The following WDR33 variants were observed in gnomAD, a reference collection of about 807,000 sequenced individuals.
The protein encoded by WDR33 is pre-mRNA 3' end processing protein WDR33.
Under a neutral mutation model 164.9 loss-of-function variants are expected in WDR33, and 47 were observed. The ratio of observed to expected loss-of-function variants is 0.29; its 90% CI spans 0.23 to 0.36. WDR33 has a LOEUF of 0.36. WDR33 is among the 10% of genes least tolerant of loss of function. The pLI is 1.00. For missense variants in WDR33, 1,137 were observed against 1,754.1 expected (o/e 0.65, Z 6.28); for synonymous variants, 505 against 589.0 (o/e 0.86, Z 2.06).
chr2:127,726,612 C>A lies in WDR33; in HGVS notation c.851+39G>T. ...GTTAAAGGACACACTGCTTTGCTCCCCTTTGTTCAGGGGCCAAGGTGGGGT... is the reference window on the plus strand; with the variant it reads ...GTTAAAGGACACACTGCTTTGCTCCACTTTGTTCAGGGGCCAAGGTGGGGT... On this transcript the variant is annotated intron_variant, in intron 8 of 21. Coordinates refer to ENST00000322313, the MANE Select transcript of WDR33 (RefSeq NM_018383.5). This position sits in a 1 kb window ranked among gnomAD's most constrained non-coding sequence, Gnocchi z 4.8. 6.2e-7 allele frequency: 1 copy of A among 1,609,860 alleles called. No homozygotes were observed. Among genetic ancestry groups the A allele is most frequent in the South Asian group, 1.1e-5 (1 of 90,376 alleles).
chr2:127,767,329 C>G (rs1573932179), intron 4 of WDR33, among the ~76,000 whole-genome samples: 1 of 152,022 alleles, frequency 6.6e-6, no homozygotes, highest in East Asian at 1.9e-4. Flanking sequence ...AATCGAAACA[C>G]AAAGAAGAAA....
In WDR33 at chr2:127,717,180, G is replaced by A. The variant is rs779503459; in HGVS notation, c.2844C>T (p.Pro948=). ...GAQGRIPPLN[P]GQGPGPNKGD... ...CTTTGTTGGGGCCAGGTCCTTGTCCGGGGTTCAGAGGGGGAATGCGACCTT... is the reference window on the plus strand; with the variant it reads ...CTTTGTTGGGGCCAGGTCCTTGTCCAGGGTTCAGAGGGGGAATGCGACCTT... The change falls in exon 17 of 22, where the codon CCC becomes CCT. Residue 948 remains proline, a synonymous_variant. Transcript: ENST00000322313. The surrounding 1 kb of genome is among the most constrained non-coding windows in gnomAD (Gnocchi z 5.6). The A allele has an allele frequency of 8.1e-6, 13 of 1,607,610 alleles. No homozygotes were observed. The highest frequency in any genetic ancestry group is 2.2e-5 in the South Asian group (2 of 89,462).
chr2:127,768,061 T>A (rs1687875908), intron 4 of WDR33, 128 bp downstream of exon 4: 1 of 534,184 alleles, frequency 1.9e-6, no homozygotes, highest in Admixed American at 4.1e-5. Flanking sequence ...ATAAAATTAC[T>A]AGCAATAAAC....
chr2:127,805,674 T>C (rs1689410824), intron 1 of WDR33, among the ~76,000 whole-genome samples: 1 of 151,316 alleles, frequency 6.6e-6, no homozygotes, highest in South Asian at 2.1e-4. Flanking sequence ...GCCAAGAAGA[T>C]GAATAAGGCT....
chr2:127,762,195 C>A (rs1369465442), intron 7 of WDR33, among the ~76,000 whole-genome samples: 1 of 152,122 alleles, frequency 6.6e-6, no homozygotes, highest in African/African-American at 2.4e-5. Context: ...TTTGTGGCAT[C>A]CTGGAATCAA....
chr2:127,735,781 C>G lies in WDR33; in HGVS notation c.725-9004G>C. 1.0e-6 allele frequency: 1 copy of G among 985,428 alleles called. No homozygotes were observed. Among genetic ancestry groups the G allele is most frequent in the Non-Finnish European group, 1.2e-6 (1 of 829,918 alleles). The allele number at this position is 985,428 out of a possible 1,614,324, so 61.0% of individuals were successfully genotyped here. Reference sequence around the variant, plus strand: ...AAGCATAAGTAATCTGTGCTCTGGTCAAGGAATATGCAATTTATTAGTATT... The same window carrying G: ...AAGCATAAGTAATCTGTGCTCTGGTGAAGGAATATGCAATTTATTAGTATT... On this transcript the variant is annotated intron_variant, in intron 7 of 21. Coordinates refer to ENST00000322313, the MANE Select transcript of WDR33 (RefSeq NM_018383.5). This position sits in a 1 kb window ranked among gnomAD's most constrained non-coding sequence, Gnocchi z 4.3.
At chr2:127,762,937 G>A in intron 7 of WDR33, 125 bp downstream of exon 7, 1 of 1,494,272 alleles carries the variant, frequency 6.7e-7, no homozygotes, top group Non-Finnish European at 8.9e-7. Flanking sequence ...TGAAGAGCCT[G>A]AGACGGTGTG....
At position 127,719,641 on chromosome 2, in the gene WDR33, C is replaced by A. The variant is rs141372911; in HGVS notation, c.2384G>T (p.Gly795Val). 312 of 1,613,650 alleles carry A rather than the reference C, an allele frequency of 1.9e-4. No individual in the cohort carries two copies. Among genetic ancestry groups the A allele is most frequent in the Non-Finnish European group, 2.5e-4 (291 of 1,179,934 alleles). ...QGPPGPRENQ[G>V]PAPQGMIMGH... ...CATAATCATCCCTTGGGGAGCAGGA[C>A]CCTGGTTCTCCCGGGGGCCTGGAGG... Residue 795 changes from glycine (G) to valine (V), a missense_variant, in exon 16 of 22, where the codon GGT becomes GTT. Transcript: ENST00000322313. The surrounding 1 kb of genome is among the most constrained non-coding windows in gnomAD (Gnocchi z 6.5).
At chr2:127,780,117 G>A (rs1368066385) in intron 1 of WDR33, among the ~76,000 whole-genome samples, 2 of 152,012 alleles carry the variant, frequency 1.3e-5, no homozygotes, top group African/African-American at 4.8e-5. Context: ...GGGAATACAG[G>A]CCCCCGCCAC....
rs1686225649 is a variant in WDR33, at chr2:127,713,445, T to G, written c.3308+138A>C. ...AGCACACTTTTTTTAAACGTCCAAA[T>G]GCAAACTCTACAGAGTGCAGGGCTG... is the stretch of plus-strand genomic sequence containing the variant. On this transcript the variant is annotated intron_variant, in intron 18 of 21. Transcript: ENST00000322313. This position sits in a 1 kb window ranked among gnomAD's most constrained non-coding sequence, Gnocchi z 6.2. 1.3e-5 allele frequency: 13 copies of G among 997,830 alleles called. No homozygotes were observed. In the South Asian group the frequency reaches 2.0e-4, roughly 15 times the overall value. 61.8% of individuals were successfully genotyped at this position (997,830 alleles called of 1,614,324 possible). A position where few individuals can be genotyped will look rare whatever the true frequency, so the allele number is the denominator to read the frequency against.
rs1686472459 is a variant in WDR33, at chr2:127,722,836, T to C, written c.1379-106A>G. 1 of 1,409,166 alleles carries C rather than the reference T, an allele frequency of 7.1e-7. No homozygotes were observed. The highest frequency in any genetic ancestry group is 9.6e-7 in the Non-Finnish European group (1 of 1,041,672). The allele number at this position is 1,409,166 out of a possible 1,614,324, so 87.3% of individuals were successfully genotyped here. On this transcript the variant is annotated intron_variant, in intron 13 of 21. Transcript: ENST00000322313. This position sits in a 1 kb window ranked among gnomAD's most constrained non-coding sequence, Gnocchi z 5.1. ...TAGATTTTAAGTATTATGTCATTTA[T>C]ATAATTTTTATCAACATTTCTCAAC...
At chr2:127,711,072 C>T (rs1308113049) in intron 18 of WDR33, among the ~76,000 whole-genome samples, 2 of 152,182 alleles carry the variant, frequency 1.3e-5, no homozygotes, top group Non-Finnish European at 2.9e-5. Context: ...AATACCTTTA[C>T]ACTCTCACAC....
At chr2:127,799,668 A>C (rs1253746766) in intron 1 of WDR33, among the ~76,000 whole-genome samples, 1 of 152,138 alleles carries the variant, frequency 6.6e-6, no homozygotes, top group Non-Finnish European at 1.5e-5. Flanking sequence ...GGTGGCAGGC[A>C]CCTGTAATCC....
chr2:127,783,300 T>C (rs938145420), intron 1 of WDR33, among the ~76,000 whole-genome samples: 3 of 152,230 alleles, frequency 2.0e-5, no homozygotes, highest in Non-Finnish European at 4.4e-5. Flanking sequence ...ATGAAGCACA[T>C]GACCACAAAC....
At position 127,738,831 on chromosome 2, in the gene WDR33, ACT is replaced by A. The variant is rs1365920341; in HGVS notation, c.725-12056_725-12055del. Among the ~76,000 whole-genome samples, 8 of 152,164 alleles carry A rather than the reference ACT, an allele frequency of 5.3e-5. No homozygotes were observed. On this transcript the variant is annotated intron_variant, in intron 7 of 21. Transcript: ENST00000322313. The surrounding 1 kb of genome is among the most constrained non-coding windows in gnomAD (Gnocchi z 4.4). ...GGTTAGTCCTGCCCCGCAAGCAGTC[ACT>A]CTGTAAATAATTTTCTTGATTAAAA...
chr2:127,717,835 ACT>A lies in WDR33; in HGVS notation c.2761-574_2761-573del, dbSNP rs902805744. 8.5e-5 allele frequency among the ~76,000 whole-genome samples: 13 copies of A among 152,126 alleles called. No individual in the cohort carries two copies. The highest frequency in any genetic ancestry group is 2.4e-4 in the African/African-American group (10 of 41,430). On this transcript the variant is annotated intron_variant, in intron 16 of 21. Transcript: ENST00000322313. The surrounding 1 kb of genome is among the most constrained non-coding windows in gnomAD (Gnocchi z 5.6). ...CCAGAAACTCAGGCATGTCCTTGTG[ACT>A]CTGACATGTTTATAAATATTTCAGT...
chr2:127,808,022 G>A (rs1343042240), intron 1 of WDR33, among the ~76,000 whole-genome samples: 1 of 152,142 alleles, frequency 6.6e-6, no homozygotes, highest in African/African-American at 2.4e-5. Context: ...AGAAGGTATA[G>A]TCAAAATACA....
rs1052323920 is a variant in WDR33, at chr2:127,708,257, G to T, written c.3781+420C>A. Among the ~76,000 whole-genome samples the T allele has an allele frequency of 1.3e-5, 2 of 152,208 alleles. No individual in the cohort carries two copies. The stretch of plus-strand genomic sequence containing the variant: ...AGACCATGTTTCCCAAAGTCTCTGT[G>T]ACTTTGAGCACAAGCAGTGTTCCTC... On this transcript the variant is annotated intron_variant, in intron 21 of 21. Transcript: ENST00000322313. The surrounding 1 kb of genome is among the most constrained non-coding windows in gnomAD (Gnocchi z 6.7).
chr2:127,729,422 G>C (rs965664299), intron 7 of WDR33, among the ~76,000 whole-genome samples: 5 of 151,986 alleles, frequency 3.3e-5, no homozygotes, highest in African/African-American at 1.2e-4. Context: ...CTTCCTATTT[G>C]CTTCTCTATA....
Sources: allele counts gnomAD v4.1 joint callset (sites outside exome capture counted in the v4.1 genomes callset), GRCh38; gene constraint gnomAD v4.1.1; non-coding constraint Gnocchi (gnomAD v3.1); transcripts MANE v1.5; gene names NCBI Gene and HGNC (gene_info 2026-07-23, HGNC 2026-07-21).